The following MIPEP variants were observed in gnomAD, a reference collection of about 807,000 sequenced individuals.
MIPEP encodes the protein mitochondrial intermediate peptidase.
In MIPEP, 79 loss-of-function variants were observed where a neutral mutation model predicts 90.3. The ratio of observed to expected loss-of-function variants is 0.87; its 90% CI spans 0.73 to 1.05. The LOEUF (loss-of-function observed/expected upper bound fraction) is 1.05, where lower values mean the gene tolerates loss of function less well. Among genes scored for constraint, MIPEP ranks in the 50% least tolerant of loss-of-function variants. The pLI, the probability that MIPEP is intolerant of heterozygous loss-of-function variation, is 0.00. For synonymous variants in MIPEP, 334 were observed against 315.8 expected (o/e 1.06, Z -0.61); for missense variants, 940 against 905.6 (o/e 1.04, Z -0.49).
chr13:23,781,672 G>C (rs2137362201), intron 16 of MIPEP, among the ~76,000 whole-genome samples: 1 of 152,262 alleles, frequency 6.6e-6, no homozygotes, highest in Non-Finnish European at 1.5e-5. Context: ...ATTGGATAAA[G>C]AGTCAAGACC....
At chr13:23,778,661 A>G (rs1296932008) in intron 16 of MIPEP, among the ~76,000 whole-genome samples, 1 of 151,614 alleles carries the variant, frequency 6.6e-6, no homozygotes, top group African/African-American at 2.4e-5. Context: ...CATGTCAATT[A>G]CCCGTTTTTT....
intron 10 of MIPEP, among the ~76,000 whole-genome samples, chr13:23,844,869 C>T (rs1448817366): frequency 1.3e-5 from 2 of 152,020 alleles, no homozygotes; most frequent in Non-Finnish European, 2.9e-5. Context: ...TATAATATTA[C>T]AATATTACCC....
intron 10 of MIPEP, 26 bp from the exon 11 acceptor site, chr13:23,841,514 A>C: frequency 6.4e-7 from 1 of 1,572,008 alleles, no homozygotes; most frequent in South Asian, 1.2e-5. Flanking sequence ...GAGGTTCAAC[A>C]GCATCTTTGT....
chr13:23,880,813 T>C (rs71429860), intron 3 of MIPEP, among the ~76,000 whole-genome samples: 19 of 152,268 alleles, frequency 1.2e-4, no homozygotes, highest in Non-Finnish European at 1.9e-4. Context: ...CATCTTGAAG[T>C]GTTGGGTCTT....
chr13:23,809,662 C>T (rs1254459267), intron 15 of MIPEP, among the ~76,000 whole-genome samples, 188 bp downstream of exon 15: 2 of 152,092 alleles, frequency 1.3e-5, no homozygotes, highest in South Asian at 2.1e-4. Flanking sequence ...TTTTATTCAA[C>T]GCCTACTTCA....
chr13:23,803,248 A>C (rs113262549), intron 16 of MIPEP, among the ~76,000 whole-genome samples: 2,379 of 152,056 alleles, frequency 0.016, 85 homozygotes, highest in African/African-American at 0.055. Context: ...CTGTAATCCC[A>C]GCTACTCAGG....
chr13:23,746,903 G>A (rs1322041448), intron 18 of MIPEP, among the ~76,000 whole-genome samples: 3 of 152,136 alleles, frequency 2.0e-5, no homozygotes, highest in Non-Finnish European at 4.4e-5. Flanking sequence ...AAATGGAAGA[G>A]GGACCCATCA....
chr13:23,739,572 G>C (rs541052596), intron 18 of MIPEP, among the ~76,000 whole-genome samples: 1 of 152,310 alleles, frequency 6.6e-6, no homozygotes, highest in Non-Finnish European at 1.5e-5. Context: ...GTTGGTAGAG[G>C]ACTGGTCATC....
chr13:23,805,913 C>T, intron 16 of MIPEP, 37 bp downstream of exon 16: 4 of 1,608,836 alleles, frequency 2.5e-6, no homozygotes, highest in Non-Finnish European at 3.4e-6. Context: ...AGCAGAACCA[C>T]TCAATACACA....
At chr13:23,774,751 A>G (rs1952692869) in intron 16 of MIPEP, among the ~76,000 whole-genome samples, 1 of 147,818 alleles carries the variant, frequency 6.8e-6, no homozygotes, top group South Asian at 2.1e-4. Context: ...TTGATCTCAT[A>G]CCATGCAACC....
chr13:23,862,866 AATG>A (rs1482097167), intron 8 of MIPEP, among the ~76,000 whole-genome samples: 3 of 152,186 alleles, frequency 2.0e-5, no homozygotes. Flanking sequence ...ATACCTGTAA[AATG>A]ATGAAGCTAT....
chr13:23,768,401 C>A (rs997769544), intron 16 of MIPEP, among the ~76,000 whole-genome samples: 3 of 152,156 alleles, frequency 2.0e-5, no homozygotes, highest in Non-Finnish European at 4.4e-5. Context: ...CTTACACAAG[C>A]TATGTTAAGT....
At chr13:23,797,769 G>T (rs1393848863) in intron 16 of MIPEP, among the ~76,000 whole-genome samples, 2 of 152,156 alleles carry the variant, frequency 1.3e-5, no homozygotes, top group African/African-American at 4.8e-5. Context: ...CCTCCCTCTG[G>T]AAATTAAAAA....
intron 16 of MIPEP, among the ~76,000 whole-genome samples, chr13:23,789,556 T>C (rs371921136): frequency 2.0e-4 from 31 of 152,202 alleles, no homozygotes; most frequent in African/African-American, 7.5e-4. Flanking sequence ...ACTCCAAAGT[T>C]TGGAAAGCTA....
chr13:23,888,506 G>T (rs879413547), intron 1 of MIPEP, among the ~76,000 whole-genome samples: 23 of 152,146 alleles, frequency 1.5e-4, no homozygotes, highest in Admixed American at 3.9e-4. Context: ...CCTTTCACTA[G>T]ACAACGCAGG....
In MIPEP at chr13:23,796,865, T is replaced by C. The variant is rs139953509; in HGVS notation, c.1848+9085A>G. 7.3e-3 allele frequency among the ~76,000 whole-genome samples: 1,107 copies of C among 152,276 alleles called. 8 individuals are homozygous for C. Among genetic ancestry groups the C allele is most frequent in the Non-Finnish European group, 0.012 (798 of 68,004 alleles). ...AATCTTCTCTAGAAATCAAGCAATC[T>C]TAACATGGGAAGCCCTCAAATTACA... On this transcript the variant is annotated intron_variant, in intron 16 of 18. Transcript: ENST00000382172.
chr13:23,786,742 A>C (rs1431671797), intron 16 of MIPEP, among the ~76,000 whole-genome samples: 1 of 152,198 alleles, frequency 6.6e-6, no homozygotes, highest in Non-Finnish European at 1.5e-5. Context: ...CAAAAATTAA[A>C]ATCAGCAGTG....
intron 5 of MIPEP, 148 bp from the exon 6 acceptor site, chr13:23,870,343 G>A (rs9578651): frequency 0.014 from 5,013 of 358,484 alleles, 216 homozygotes; most frequent in African/African-American, 0.097. Context: ...TGAATATATT[G>A]TTACTATATT....
At chr13:23,818,343 G>A (rs886719311) in intron 14 of MIPEP, among the ~76,000 whole-genome samples, 1 of 152,092 alleles carries the variant, frequency 6.6e-6, no homozygotes, top group African/African-American at 2.4e-5. Flanking sequence ...TCGCTGGAAC[G>A]CGAATGCGGG....
Sources: gnomAD v4.1 joint callset for allele counts (sites outside exome capture counted in the v4.1 genomes callset) on GRCh38, gnomAD v4.1.1 for gene constraint, MANE v1.5 for transcripts, NCBI Gene and HGNC (gene_info 2026-07-23, HGNC 2026-07-21) for gene names.